Variants in CTPS2 observed in about 807,000 individuals in gnomAD.
The protein encoded by CTPS2 is CTP synthase 2, also known as CTP synthase II.
CTPS2 carries 19 observed loss-of-function variants against 46.8 expected under a neutral mutation model. That is an observed-to-expected ratio of 0.41 (90% CI 0.28 to 0.60). The LOEUF is 0.60. Among genes scored for constraint, CTPS2 ranks in the 20% least tolerant of loss-of-function variants. The probability of loss-of-function intolerance (pLI) is 0.35; values close to 1 mark genes in which losing one functional copy is unlikely to be tolerated. For synonymous variants in CTPS2, 151 were observed against 165.2 expected (o/e 0.91, Z 0.66); for missense variants, 286 against 447.6 (o/e 0.64, Z 3.26).
chrX:16,619,782 T>A (rs1459635307), intron 15 of CTPS2, among the ~76,000 whole-genome samples: 2 of 111,772 alleles, frequency 1.8e-5, no homozygotes, highest in African/African-American at 6.5e-5. Flanking sequence ...AATTAACTCC[T>A]TTTAGTCATG....
chrX:16,596,212 T>C (rs1371073502), intron 17 of CTPS2, among the ~76,000 whole-genome samples: 4 of 110,213 alleles, frequency 3.6e-5, no homozygotes, highest in Non-Finnish European at 7.6e-5. Context: ...TATTATACTT[T>C]TAAGTTTTAG....
intron 14 of CTPS2, among the ~76,000 whole-genome samples, chrX:16,626,490 G>T (rs1931158401): frequency 9.0e-6 from 1 of 111,556 alleles, no homozygotes; most frequent in African/African-American, 3.3e-5. Flanking sequence ...AAGAGTTCTG[G>T]AGACTGTACA....
intron 10 of CTPS2, among the ~76,000 whole-genome samples, chrX:16,674,662 C>T (rs1454437840): frequency 9.6e-6 from 1 of 104,252 alleles, no homozygotes. Context: ...CACGGTGAAA[C>T]CCCGTCTCTA....
At chrX:16,690,414 C>T (rs932081626) in intron 7 of CTPS2, among the ~76,000 whole-genome samples, 1 of 110,671 alleles carries the variant, frequency 9.0e-6, no homozygotes, top group Non-Finnish European at 1.9e-5. Context: ...GGCATGACAA[C>T]ATATCAACAT....
chrX:16,672,527 G>T (rs1426657426), intron 10 of CTPS2, among the ~76,000 whole-genome samples: 2 of 111,812 alleles, frequency 1.8e-5, no homozygotes, highest in African/African-American at 6.5e-5. Context: ...AATGATGATG[G>T]GGCCCAACCA....
At chrX:16,665,933 G>T (rs1164242157) in intron 13 of CTPS2, among the ~76,000 whole-genome samples, 1 of 111,410 alleles carries the variant, frequency 9.0e-6, no homozygotes, top group Non-Finnish European at 1.9e-5. Context: ...TGTATTTTTA[G>T]TAGAGATGGG....
At chrX:16,657,823 G>A (rs1195428400) in intron 13 of CTPS2, among the ~76,000 whole-genome samples, 1 of 111,644 alleles carries the variant, frequency 9.0e-6, no homozygotes, top group African/African-American at 3.3e-5. Context: ...GGAGATTTGG[G>A]AAGAAAGAAA....
Position 16,632,584 on chromosome X carries a change from C to T in CTPS2, c.1393+6563G>A, listed in dbSNP as rs192705834. 1.1e-4 allele frequency among the ~76,000 whole-genome samples: 12 copies of T among 109,949 alleles called. No individual in the cohort carries two copies. The South Asian group carries it at 4.3e-3, about 39-fold the overall frequency. The stretch of plus-strand genomic sequence containing the variant: ...CTACAGGCACACACCACACCATGCC[C>T]GGCTAATTTTTGTATTTTTAGTAGA... On this transcript the variant is annotated intron_variant, in intron 14 of 18. Coordinates refer to ENST00000359276, the MANE Select transcript of CTPS2 (RefSeq NM_175859.3).
At chrX:16,654,386 C>A (rs1932770078) in intron 13 of CTPS2, 1 of 1,073,294 alleles carries the variant, frequency 9.3e-7, no homozygotes, top group Non-Finnish European at 1.3e-6. Flanking sequence ...CTTCTCCCAT[C>A]CTTTTTTATG....
chrX:16,596,911 T>C (rs1929314933), intron 17 of CTPS2, among the ~76,000 whole-genome samples: 1 of 105,586 alleles, frequency 9.5e-6, no homozygotes, highest in Non-Finnish European at 1.9e-5. Context: ...TGATATCTCA[T>C]TGTGGTTTTG....
intron 6 of CTPS2, among the ~76,000 whole-genome samples, chrX:16,692,282 ACACAC>A (rs1569233556): frequency 4.9e-5 from 5 of 101,588 alleles, no homozygotes; most frequent in Admixed American, 1.1e-4. Context: ...GTCTCTACAA[ACACAC>A]ACACACACAC....
chrX:16,703,170 G>A (rs1160090442), intron 1 of CTPS2, among the ~76,000 whole-genome samples: 4 of 108,167 alleles, frequency 3.7e-5, no homozygotes, highest in Non-Finnish European at 5.7e-5. Context: ...GACTATAGGT[G>A]AGCACCACCA....
chrX:16,633,813 T>C (rs1425161267), intron 14 of CTPS2, among the ~76,000 whole-genome samples: 1 of 112,011 alleles, frequency 8.9e-6, no homozygotes, highest in Non-Finnish European at 1.9e-5. Flanking sequence ...ACAAGTACAG[T>C]GAATGTCATT....
intron 13 of CTPS2, among the ~76,000 whole-genome samples, chrX:16,663,786 C>T (rs1013065113): frequency 4.5e-5 from 5 of 111,223 alleles, no homozygotes; most frequent in African/African-American, 1.6e-4. Flanking sequence ...AGAGACAGTT[C>T]TGTACCTTTT....
At chrX:16,681,015 A>T (rs1922702535) in intron 9 of CTPS2, among the ~76,000 whole-genome samples, 1 of 111,604 alleles carries the variant, frequency 9.0e-6, no homozygotes, top group East Asian at 2.8e-4. Flanking sequence ...AAGAAACTCC[A>T]TCTCTACTAA....
intron 14 of CTPS2, among the ~76,000 whole-genome samples, chrX:16,630,568 A>G (rs1256236989): frequency 9.1e-6 from 1 of 110,242 alleles, no homozygotes; most frequent in Non-Finnish European, 1.9e-5. Flanking sequence ...GTTGTGTTGC[A>G]TTCTTAACCG....
At chrX:16,681,592 C>A (rs1922748201) in intron 9 of CTPS2, among the ~76,000 whole-genome samples, 1 of 111,720 alleles carries the variant, frequency 9.0e-6, no homozygotes, top group African/African-American at 3.3e-5. Flanking sequence ...GTCACCCAGG[C>A]TGGAGTGCAG....
At chrX:16,634,761 C>G (rs902654575) in intron 14 of CTPS2, among the ~76,000 whole-genome samples, 1 of 111,166 alleles carries the variant, frequency 9.0e-6, no homozygotes, top group African/African-American at 3.3e-5. Context: ...CTAGCCTGGC[C>G]AAGGTGGTGA....
chrX:16,592,961 A>G (rs1047724529), intron 17 of CTPS2, among the ~76,000 whole-genome samples: 4 of 111,009 alleles, frequency 3.6e-5, no homozygotes, highest in Non-Finnish European at 7.5e-5. Context: ...CTCAACTTTC[A>G]CTCTGAGCTG....
Sources: allele counts gnomAD v4.1 joint callset (sites outside exome capture counted in the v4.1 genomes callset), GRCh38; gene constraint gnomAD v4.1.1; transcripts MANE v1.5; gene names NCBI Gene and HGNC (gene_info 2026-07-23, HGNC 2026-07-21).